The following TULP4 variants were observed in gnomAD, a reference collection of about 807,000 sequenced individuals.
TULP4 encodes the protein TUB like protein 4.
TULP4 carries 16 observed loss-of-function variants against 129.0 expected under a neutral mutation model. That is an observed-to-expected ratio of 0.12 (90% CI 0.08 to 0.19). The LOEUF is 0.19. Among genes scored for constraint, TULP4 ranks in the 10% least tolerant of loss-of-function variants. The pLI, the probability that TULP4 is intolerant of heterozygous loss-of-function variation, is 1.00. For synonymous variants in TULP4, 998 were observed against 854.0 expected (o/e 1.17, Z -2.94); for missense variants, 1,842 against 2,059.1 (o/e 0.89, Z 2.04).
chr6:158,415,129 A>G (rs12111245), intron 2 of TULP4, among the ~76,000 whole-genome samples: 3,067 of 152,282 alleles, frequency 0.02, 83 homozygotes, highest in African/African-American at 0.065. Context: ...TGATCTCATA[A>G]GGTTGTAATG....
At chr6:158,266,097 C>T (rs1273795044) in intron 1 of TULP4, among the ~76,000 whole-genome samples, 2 of 152,170 alleles carry the variant, frequency 1.3e-5, no homozygotes, top group Non-Finnish European at 2.9e-5. Context: ...GCATAGCATT[C>T]TCTTGAATTC....
At position 158,312,801 on chromosome 6, in the gene TULP4, GT is replaced by G. The variant is rs1317399356; in HGVS notation, c.-1215del. 6.6e-6 allele frequency: 1 copy of G among 152,164 alleles called. No individual in the cohort carries two copies. Among genetic ancestry groups the G allele is most frequent in the African/African-American group, 2.4e-5 (1 of 41,432 alleles). The allele number at this position is 152,164 out of a possible 1,614,324, so 9.4% of individuals were successfully genotyped here. ...TTCTTTTTGTTGGACTAGTGGTGTGGTGTTTGGAGACAGTCTCTGAATGTGA... is the reference window on the plus strand; with the variant it reads ...TTCTTTTTGTTGGACTAGTGGTGTGGGTTTGGAGACAGTCTCTGAATGTGA... On this transcript the variant is annotated 5_prime_UTR_variant, in exon 1 of 14. Transcript: ENST00000367097.
intron 2 of TULP4, among the ~76,000 whole-genome samples, chr6:158,414,255 G>A (rs1778157726): frequency 6.6e-6 from 1 of 152,196 alleles, no homozygotes; most frequent in Admixed American, 6.5e-5. Context: ...GGCTCCTTCA[G>A]AGCCTGCCCC....
At chr6:158,397,678 G>A (rs1777750022) in intron 1 of TULP4, among the ~76,000 whole-genome samples, 1 of 152,240 alleles carries the variant, frequency 6.6e-6, no homozygotes, top group African/African-American at 2.4e-5. Flanking sequence ...TGTACTAAAG[G>A]CTCTCCCACT....
chr6:158,379,460 T>G (rs1314750035), intron 1 of TULP4, among the ~76,000 whole-genome samples: 1 of 152,104 alleles, frequency 6.6e-6, no homozygotes, highest in African/African-American at 2.4e-5. Context: ...GGACTGATAG[T>G]AAAAAGAGGT....
At position 158,509,233 on chromosome 6, in the gene TULP4, G is replaced by A. The variant is rs767988497; in HGVS notation, c.*2539G>A. Reference sequence around the variant, plus strand: ...GGATAATTTGTAACTTTTCTAATTGGGAAAAAATTCCTATTAATCACTTAA... The same window carrying A: ...GGATAATTTGTAACTTTTCTAATTGAGAAAAAATTCCTATTAATCACTTAA... On this transcript the variant is annotated 3_prime_UTR_variant, in exon 14 of 14. Transcript: ENST00000367097. The A allele has an allele frequency of 6.6e-6, 1 of 151,734 alleles. No homozygotes were observed. The highest frequency in any genetic ancestry group is 2.4e-5 in the African/African-American group (1 of 41,302). The allele number at this position is 151,734 out of a possible 1,614,324, so 9.4% of individuals were successfully genotyped here. A position where few individuals can be genotyped will look rare whatever the true frequency, so the allele number is the denominator to read the frequency against.
intron 1 of TULP4, chr6:158,237,345 A>G: frequency 1.9e-6 from 3 of 1,611,998 alleles, no homozygotes; most frequent in Non-Finnish European, 2.5e-6. Flanking sequence ...ATCACCAGCC[A>G]CCTTTTCCAC....
Position 158,398,404 on chromosome 6 carries a change from C to G in TULP4, c.253-14661C>G, listed in dbSNP as rs143671383. 573 of 152,382 alleles carry G rather than the reference C, an allele frequency of 3.8e-3. 3 individuals carry two copies. Among genetic ancestry groups the G allele is most frequent in the African/African-American group, 0.013 (543 of 41,568 alleles). The allele number at this position is 152,382 out of a possible 1,614,324, so 9.4% of individuals were successfully genotyped here. On this transcript the variant is annotated intron_variant, in intron 1 of 13. Transcript: ENST00000367097. ...TAGTTCACAATGTCCCCCCTTTCCCCCTCCTCCTCACCCACCCACTGTGAT... is the reference window on the plus strand; with the variant it reads ...TAGTTCACAATGTCCCCCCTTTCCCGCTCCTCCTCACCCACCCACTGTGAT...
At chr6:158,477,123 T>TTA (rs994227669) in intron 6 of TULP4, among the ~76,000 whole-genome samples, 14 of 152,160 alleles carry the variant, frequency 9.2e-5, no homozygotes, top group Admixed American at 2.6e-4. Flanking sequence ...TGGGTGGTAA[T>TTA]TATATATATA....
intron 1 of TULP4, among the ~76,000 whole-genome samples, chr6:158,300,669 C>T (rs1012646984): frequency 3.9e-5 from 6 of 152,196 alleles, no homozygotes; most frequent in East Asian, 1.9e-4. Flanking sequence ...TGTGCCTTCC[C>T]GTTTGGCAAG....
In TULP4 at chr6:158,503,951, T is replaced by C. The variant is rs1196755409; in HGVS notation, c.4288T>C (p.Trp1430Arg). Residue 1430 changes from tryptophan (W) to arginine (R), a missense_variant, in exon 13 of 14, where the codon TGG (tryptophan) becomes CGG (arginine). This residue lies in a region of TULP4 where 1,089 missense variants were observed against 987.1 expected (regional missense o/e 1.10). Transcript: ENST00000367097. This position sits in a 1 kb window ranked among gnomAD's most constrained non-coding sequence, Gnocchi z 4.3. Reference protein sequence around the residue: ...MNQSQGSRKGWKSKRSPRAAG... With the variant: ...MNQSQGSRKGRKSKRSPRAAG... The stretch of plus-strand genomic sequence containing the variant: ...CCAGAGCCAGGGCAGCAGAAAGGGC[T>C]GGAAAAGCAAGCGCTCCCCACGGGC... 1 of 1,613,424 alleles carries C rather than the reference T, an allele frequency of 6.2e-7. No homozygotes were observed. The highest frequency in any genetic ancestry group is 8.5e-7 in the Non-Finnish European group (1 of 1,179,686).
intron 2 of TULP4, among the ~76,000 whole-genome samples, chr6:158,417,055 G>A (rs893894044): frequency 1.3e-5 from 2 of 152,132 alleles, no homozygotes; most frequent in Non-Finnish European, 2.9e-5. Flanking sequence ...CACAACAAGG[G>A]AATTGCCTAA....
At position 158,304,741 on chromosome 6, in the gene TULP4, G is replaced by A. The variant is rs369652689; in HGVS notation, n.117-7310G>A. ...AAGTACAGTGGTGTGATCATGGCCC[G>A]CTGTAGCCTTGAGTTCCCGGGCTCA... On this transcript the variant is annotated intron_variant and non_coding_transcript_variant, in intron 1 of 1. Transcript: ENST00000432358. Among the ~76,000 whole-genome samples, 4 of 151,100 alleles carry A rather than the reference G, an allele frequency of 2.6e-5. No homozygotes were observed. In the East Asian group the frequency reaches 7.8e-4, roughly 29 times the overall value.
chr6:158,304,759 C>T (rs974409224), intron 1 of TULP4, among the ~76,000 whole-genome samples: 28 of 151,926 alleles, frequency 1.8e-4, no homozygotes, highest in African/African-American at 4.3e-4. Context: ...CTTGAGTTCC[C>T]GGGCTCAAGC....
chr6:158,351,259 T>C (rs1780511665), intron 1 of TULP4, among the ~76,000 whole-genome samples: 1 of 152,238 alleles, frequency 6.6e-6, no homozygotes, highest in Admixed American at 6.5e-5. Flanking sequence ...CCCATTCTTT[T>C]AGTGCAGAAC....
At chr6:158,424,617 A>G (rs1008369038) in intron 2 of TULP4, among the ~76,000 whole-genome samples, 1 of 152,212 alleles carries the variant, frequency 6.6e-6, no homozygotes, top group African/African-American at 2.4e-5. Flanking sequence ...TGCTAAATAA[A>G]TAGTTGTTGT....
intron 1 of TULP4, among the ~76,000 whole-genome samples, chr6:158,306,453 G>C (rs1314430854): frequency 6.6e-6 from 1 of 152,206 alleles, no homozygotes; most frequent in African/African-American, 2.4e-5. Flanking sequence ...AGCTCCTCAA[G>C]AGTCTGAGGT....
At chr6:158,331,730 TAC>T (rs1562523190) in intron 1 of TULP4, among the ~76,000 whole-genome samples, 1 of 24,652 alleles carries the variant, frequency 4.1e-5, no homozygotes, top group East Asian at 1.3e-3. Context: ...CACACACACA[TAC>T]GTATATATAT....
intron 1 of TULP4, among the ~76,000 whole-genome samples, chr6:158,263,779 C>T (rs1778394108): frequency 6.6e-6 from 1 of 151,104 alleles, no homozygotes; most frequent in African/African-American, 2.4e-5. Context: ...ACAGCAACAA[C>T]AGGCTGGGCG....
Sources: gnomAD v4.1 joint callset for allele counts (sites outside exome capture counted in the v4.1 genomes callset) on GRCh38, gnomAD v4.1.1 for gene constraint, gnomAD v4.1.1 regional missense constraint, Gnocchi (gnomAD v3.1) non-coding constraint, MANE v1.5 for transcripts, NCBI Gene and HGNC (gene_info 2026-07-23, HGNC 2026-07-21) for gene names.